DOCK4: variants seen among roughly 807,000 people sequenced by gnomAD.
DOCK4 encodes dedicator of cytokinesis protein 4.
A neutral mutation model predicts 268.1 loss-of-function variants in DOCK4; 97 were observed. That is an observed-to-expected ratio of 0.36 (90% CI 0.31 to 0.43). The LOEUF is 0.43. Among genes scored for constraint, DOCK4 ranks in the 20% least tolerant of loss-of-function variants. The pLI is 1.00. For missense variants in DOCK4, 2,145 were observed against 2,455.7 expected (o/e 0.87, Z 2.67); for synonymous variants, 954 against 887.2 (o/e 1.08, Z -1.34).
chr7:112,158,720 G>GT (rs747703330), intron 1 of DOCK4, among the ~76,000 whole-genome samples: 16 of 152,200 alleles, frequency 1.1e-4, no homozygotes, highest in Admixed American at 2.6e-4. Context: ...ATTTCAAAGG[G>GT]TATTTCAATA....
intron 1 of DOCK4, among the ~76,000 whole-genome samples, chr7:112,181,631 C>A: frequency 2.6e-5 from 2 of 76,412 alleles, no homozygotes; most frequent in Admixed American, 1.7e-4. Context: ...CAGAGTAAGA[C>A]ACTGTCTCAA....
intron 6 of DOCK4, among the ~76,000 whole-genome samples, chr7:111,984,989 C>G (rs1458702882): frequency 6.6e-6 from 1 of 152,080 alleles, no homozygotes; most frequent in Non-Finnish European, 1.5e-5. Context: ...ATAGTTTAAC[C>G]CTTTATGTCA....
chr7:112,078,729 A>G (rs1808311245), intron 1 of DOCK4, among the ~76,000 whole-genome samples: 3 of 152,190 alleles, frequency 2.0e-5, no homozygotes, highest in Admixed American at 2.0e-4. Flanking sequence ...TCTGGAGATG[A>G]GAAACAGGAG....
intron 1 of DOCK4, among the ~76,000 whole-genome samples, chr7:112,157,527 A>T (rs369880458): frequency 8.5e-5 from 13 of 152,330 alleles, no homozygotes; most frequent in African/African-American, 3.1e-4. Flanking sequence ...TCTGTGGTCA[A>T]ATAATTTTTA....
intron 1 of DOCK4, among the ~76,000 whole-genome samples, chr7:112,110,524 A>G (rs768998801): frequency 5.9e-5 from 9 of 152,300 alleles, no homozygotes; most frequent in South Asian, 2.1e-4. Flanking sequence ...TCCAGGGAGG[A>G]GCCACATGGT....
rs1466073224 is a variant in DOCK4 at position 111,747,244 on chromosome 7, AAAC to A, written c.4593+20_4593+22del. On this transcript the variant is annotated intron_variant, in intron 43 of 52. Transcript: ENST00000428084. ...AAGTCACAATTGAAAACTTTCTCTG[AAAC>A]AACAATACCTAATCCTTACCTCTTG... The A allele has an allele frequency of 1.3e-6, 2 of 1,592,088 alleles. No homozygotes were observed. Among genetic ancestry groups the A allele is most frequent in the Non-Finnish European group, 8.6e-7 (1 of 1,169,032 alleles).
chr7:112,175,280 T>C (rs1818412655), intron 1 of DOCK4, among the ~76,000 whole-genome samples: 1 of 152,172 alleles, frequency 6.6e-6, no homozygotes, highest in African/African-American at 2.4e-5. Context: ...AACTATAACA[T>C]GAGTCTCTAA....
At chr7:111,831,741 C>A (rs1802826773) in intron 26 of DOCK4, among the ~76,000 whole-genome samples, 1 of 152,104 alleles carries the variant, frequency 6.6e-6, no homozygotes, top group Non-Finnish European at 1.5e-5. Context: ...CCTGCCTTGG[C>A]CTCCCAAAGT....
At chr7:111,756,547 G>GC (rs35803401) in intron 41 of DOCK4, among the ~76,000 whole-genome samples, 90,207 of 150,648 alleles carry the variant, frequency 0.6, 27,510 homozygotes, top group Non-Finnish European at 0.67. Flanking sequence ...GTATTTTAGA[G>GC]CCAGGGCTTC....
At chr7:111,833,912 C>G (rs774162343) in intron 26 of DOCK4, among the ~76,000 whole-genome samples, 8 of 152,076 alleles carry the variant, frequency 5.3e-5, no homozygotes, top group Non-Finnish European at 1.0e-4. Context: ...TGAAATTTGT[C>G]CAGAAAACTG....
At position 111,958,161 on chromosome 7, in the gene DOCK4, A is replaced by G. The variant is rs554288597; in HGVS notation, c.702-12363T>C. 3.9e-5 allele frequency among the ~76,000 whole-genome samples: 6 copies of G among 152,268 alleles called. No individual in the cohort carries two copies. In the South Asian group the frequency reaches 8.3e-4, roughly 21 times the overall value. ...CTCTTAATGCTTTGCCTCAACAACAATCTAAGACTTGTAAGCTTCCTCTAA... is the reference window on the plus strand; with the variant it reads ...CTCTTAATGCTTTGCCTCAACAACAGTCTAAGACTTGTAAGCTTCCTCTAA... On this transcript the variant is annotated intron_variant, in intron 8 of 52. Coordinates refer to ENST00000428084, the MANE Select transcript of DOCK4 (RefSeq NM_001363540.2).
intron 17 of DOCK4, among the ~76,000 whole-genome samples, chr7:111,875,145 T>C (rs771626708): frequency 2.7e-4 from 41 of 152,188 alleles, no homozygotes; most frequent in Non-Finnish European, 5.4e-4. Flanking sequence ...ACAAGGTTAA[T>C]CAAAGCCAAA....
At chr7:111,873,032 C>T (rs1806553578) in intron 17 of DOCK4, among the ~76,000 whole-genome samples, 1 of 152,196 alleles carries the variant, frequency 6.6e-6, no homozygotes, top group Non-Finnish European at 1.5e-5. Flanking sequence ...TGCCTAGCAA[C>T]CAACTCCACC....
intron 1 of DOCK4, among the ~76,000 whole-genome samples, chr7:112,202,439 A>G (rs938482737): frequency 6.6e-6 from 1 of 152,240 alleles, no homozygotes; most frequent in Non-Finnish European, 1.5e-5. Flanking sequence ...AATGCATTGT[A>G]TACTTCAAAA....
chr7:111,808,254 G>A (rs1208287145), intron 30 of DOCK4: 2 of 152,156 alleles, frequency 1.3e-5, no homozygotes, highest in East Asian at 3.9e-4. Flanking sequence ...TGTTTTCTAT[G>A]CAACCAGATC....
chr7:111,994,000 T>C, intron 5 of DOCK4, 135 bp downstream of exon 5: 1 of 512,526 alleles, frequency 2.0e-6, no homozygotes, highest in Non-Finnish European at 3.5e-6. Context: ...CAAGACTGTC[T>C]TGTTAATATC....
chr7:111,999,527 C>G (rs1035479706), intron 3 of DOCK4, among the ~76,000 whole-genome samples: 1 of 151,908 alleles, frequency 6.6e-6, no homozygotes, highest in Non-Finnish European at 1.5e-5. Context: ...TCATTAAATA[C>G]TGAAGCTATA....
chr7:111,729,512 C>T (rs966734247), intron 52 of DOCK4, among the ~76,000 whole-genome samples: 10 of 152,220 alleles, frequency 6.6e-5, no homozygotes, highest in African/African-American at 2.2e-4. Flanking sequence ...GCCACCAGTG[C>T]ACTCCAGCCT....
At chr7:111,985,793 T>C (rs1428763593) in intron 6 of DOCK4, among the ~76,000 whole-genome samples, 1 of 152,240 alleles carries the variant, frequency 6.6e-6, no homozygotes, top group African/African-American at 2.4e-5. Flanking sequence ...AAAATGTCCA[T>C]GTTCCCCCTT....
Sources: allele counts gnomAD v4.1 joint callset (sites outside exome capture counted in the v4.1 genomes callset), GRCh38; gene constraint gnomAD v4.1.1; transcripts MANE v1.5; gene names NCBI Gene and HGNC (gene_info 2026-07-23, HGNC 2026-07-21).